The following MYT1L variants were observed in gnomAD, a reference collection of about 807,000 sequenced individuals.
The protein encoded by MYT1L is myelin transcription factor 1-like protein.
MYT1L carries 12 observed loss-of-function variants against 126.7 expected under a neutral mutation model. The observed-to-expected ratio is 0.09, with a 90% CI of 0.06 to 0.15. The LOEUF is 0.15. MYT1L is among the 10% of genes least tolerant of loss of function. The pLI, the probability that MYT1L is intolerant of heterozygous loss-of-function variation, is 1.00. For missense variants in MYT1L, 979 were observed against 1,585.2 expected (o/e 0.62, Z 6.49); for synonymous variants, 541 against 604.2 (o/e 0.90, Z 1.53).
At chr2:1,935,791 G>A (rs754270012) in intron 9 of MYT1L, among the ~76,000 whole-genome samples, 5 of 152,164 alleles carry the variant, frequency 3.3e-5, no homozygotes, top group Non-Finnish European at 7.4e-5. Flanking sequence ...CAGATAAACT[G>A]TTATTTTCTT....
intron 2 of MYT1L, among the ~76,000 whole-genome samples, chr2:2,208,999 T>TACACACACACAC (rs34194445): frequency 3.5e-4 from 53 of 150,084 alleles, no homozygotes; most frequent in South Asian, 6.4e-4. Context: ...GGGAGGCATT[T>TACACACACACAC]ACACACACAC....
intron 3 of MYT1L, among the ~76,000 whole-genome samples, chr2:2,112,294 T>C (rs1262838336): frequency 6.6e-6 from 1 of 152,194 alleles, no homozygotes; most frequent in African/African-American, 2.4e-5. Context: ...CATTTACTTA[T>C]TTACAAAACC....
Position 2,096,487 on chromosome 2 carries a change from G to A in MYT1L, c.-303-42364C>T, listed in dbSNP as rs2077483463. On this transcript the variant is annotated intron_variant, in intron 3 of 24. Transcript: ENST00000647738. ...GACATGCTATTTACAAATGTCTCCC[G>A]TATCCAAGTCAACTCAGGGGAGATC... 2.6e-5 allele frequency among the ~76,000 whole-genome samples: 4 copies of A among 152,248 alleles called. 1 individual carries two copies.
intron 18 of MYT1L, 32 bp from the exon 19 acceptor site, chr2:1,851,735 GGAAA>G: frequency 6.3e-7 from 1 of 1,599,414 alleles, no homozygotes; most frequent in East Asian, 2.2e-5. Flanking sequence ...GTGTTAAAAT[GGAAA>G]GAAATAAAGT....
At chr2:1,832,013 G>A (rs924442003) in intron 21 of MYT1L, among the ~76,000 whole-genome samples, 9 of 152,108 alleles carry the variant, frequency 5.9e-5, no homozygotes, top group Non-Finnish European at 1.0e-4. Flanking sequence ...TCAAGTTCAC[G>A]TATTTAAAAT....
intron 3 of MYT1L, among the ~76,000 whole-genome samples, chr2:2,060,896 A>C (rs2070368842): frequency 6.6e-6 from 1 of 151,122 alleles, no homozygotes; most frequent in Non-Finnish European, 1.5e-5. Context: ...TTTGTTGCCA[A>C]ATAATGAGGT....
chr2:1,910,629 A>C lies in MYT1L; in HGVS notation c.1710-282T>G, dbSNP rs186088137. On this transcript the variant is annotated intron_variant, in intron 12 of 24. Coordinates refer to ENST00000647738, the MANE Select transcript of MYT1L (RefSeq NM_001303052.2). This position sits in a 1 kb window ranked among gnomAD's most constrained non-coding sequence, Gnocchi z 4.8. ...AATGAGAGCATCCCAGCTCCCATGC[A>C]TTCGGGAGGACATAGCTGGTGAAAA... Among the ~76,000 whole-genome samples, 1 of 152,290 alleles carries C rather than the reference A, an allele frequency of 6.6e-6. No homozygotes were observed. The highest frequency in any genetic ancestry group is 1.9e-4 in the East Asian group (1 of 5,160).
intron 3 of MYT1L, among the ~76,000 whole-genome samples, chr2:2,145,568 G>T (rs564198368): frequency 6.6e-6 from 1 of 151,764 alleles, no homozygotes; most frequent in South Asian, 2.1e-4. Flanking sequence ...AAAGTAAAAA[G>T]GGTAGAAGAT....
chr2:2,287,055 G>A (rs1306225484), intron 1 of MYT1L, among the ~76,000 whole-genome samples: 2 of 152,080 alleles, frequency 1.3e-5, no homozygotes, highest in Non-Finnish European at 2.9e-5. Flanking sequence ...TCGGGAGTTC[G>A]AGACCAGTCT....
intron 2 of MYT1L, among the ~76,000 whole-genome samples, chr2:2,227,557 A>T (rs1335955331): frequency 6.6e-6 from 1 of 152,160 alleles, no homozygotes. Context: ...CGTCACACCC[A>T]GCCCTGCACT....
intron 14 of MYT1L, among the ~76,000 whole-genome samples, chr2:1,902,259 A>G (rs1047939761): frequency 2.6e-5 from 4 of 152,216 alleles, no homozygotes; most frequent in African/African-American, 9.6e-5. Flanking sequence ...TCAAATAAGC[A>G]TTGGTCAAAA....
chr2:2,236,254 C>T (rs565571187), intron 2 of MYT1L, among the ~76,000 whole-genome samples: 353 of 147,668 alleles, frequency 2.4e-3, no homozygotes, highest in Non-Finnish European at 4.0e-3. Flanking sequence ...CAGTACATCC[C>T]AACCCAACCC....
intron 18 of MYT1L, among the ~76,000 whole-genome samples, chr2:1,868,488 G>A (rs2045877636): frequency 6.6e-6 from 1 of 152,238 alleles, no homozygotes; most frequent in African/African-American, 2.4e-5. Flanking sequence ...AAGGATCTTA[G>A]AGGATGAGAG....
intron 4 of MYT1L, among the ~76,000 whole-genome samples, chr2:2,033,610 A>AT (rs1294043136): frequency 1.3e-5 from 2 of 151,848 alleles, no homozygotes; most frequent in Non-Finnish European, 2.9e-5. Context: ...AGGAACAAAC[A>AT]TTAAAAAAAA....
chr2:1,816,383 G>A (rs536660621), intron 21 of MYT1L: 1 of 152,754 alleles, frequency 6.5e-6, no homozygotes, highest in South Asian at 2.1e-4. Flanking sequence ...TGGCTCAGGA[G>A]CAGAGCTCTC....
intron 2 of MYT1L, among the ~76,000 whole-genome samples, chr2:2,219,117 G>C (rs1440579442): frequency 6.6e-6 from 1 of 152,200 alleles, no homozygotes; most frequent in Non-Finnish European, 1.5e-5. Flanking sequence ...TGCTAAGAGT[G>C]GCTGGTAGAA....
chr2:2,079,738 C>T (rs1245185738), intron 3 of MYT1L, among the ~76,000 whole-genome samples: 2 of 151,384 alleles, frequency 1.3e-5, no homozygotes, highest in African/African-American at 2.4e-5. Flanking sequence ...ACCCGGGAGG[C>T]GGAGCTTGCA....
intron 2 of MYT1L, among the ~76,000 whole-genome samples, chr2:2,186,708 T>A (rs1270145925): frequency 6.6e-6 from 1 of 152,228 alleles, no homozygotes; most frequent in African/African-American, 2.4e-5. Context: ...AATTTTTGCA[T>A]AAGCATCGCA....
chr2:2,227,518 A>AC (rs2149033383), intron 2 of MYT1L, among the ~76,000 whole-genome samples: 1 of 152,186 alleles, frequency 6.6e-6, no homozygotes, highest in East Asian at 1.9e-4. Context: ...TCCAGGTGGA[A>AC]CCCATAAGGA....
Sources: gnomAD v4.1 joint callset for allele counts (sites outside exome capture counted in the v4.1 genomes callset) on GRCh38, gnomAD v4.1.1 for gene constraint, Gnocchi (gnomAD v3.1) non-coding constraint, MANE v1.5 for transcripts, NCBI Gene and HGNC (gene_info 2026-07-23, HGNC 2026-07-21) for gene names.